The following FBXW4 variants were observed in gnomAD, a reference collection of about 807,000 sequenced individuals.
FBXW4 encodes the protein F-box and WD repeat domain containing 4.
A neutral mutation model predicts 61.8 loss-of-function variants in FBXW4; 40 were observed. That is an observed-to-expected ratio of 0.65 (90% CI 0.50 to 0.84). FBXW4 has a LOEUF of 0.84. Ranked by LOEUF, FBXW4 falls within the 40% of genes least tolerant of loss-of-function variation. FBXW4 has a pLI of 0.00. For missense variants in FBXW4, 672 were observed against 753.8 expected (o/e 0.89, Z 1.27); for synonymous variants, 311 against 313.8 (o/e 0.99, Z 0.10).
At chr10:101,659,483 CCTAGAGA>C in intron 5 of FBXW4, 1 of 968,460 alleles carries the variant, frequency 1.0e-6, no homozygotes, top group Non-Finnish European at 1.2e-6. Flanking sequence ...AAGAAAGCTA[CCTAGAGA>C]CCAGCAGTGG....
At chr10:101,658,163 T>C (rs1349030488) in intron 5 of FBXW4, among the ~76,000 whole-genome samples, 1 of 152,116 alleles carries the variant, frequency 6.6e-6, no homozygotes, top group African/African-American at 2.4e-5. Context: ...AGAAGAAATA[T>C]AGCTGGCACC....
At chr10:101,667,419 C>A (rs547686280) in intron 5 of FBXW4, among the ~76,000 whole-genome samples, 31 of 152,142 alleles carry the variant, frequency 2.0e-4, no homozygotes, top group Non-Finnish European at 3.7e-4. Context: ...TGGATCTGGG[C>A]CCCAAGCCTC....
intron 5 of FBXW4, chr10:101,626,094 G>A (rs966341834): frequency 1.3e-5 from 2 of 152,244 alleles, no homozygotes; most frequent in Non-Finnish European, 2.9e-5. Flanking sequence ...TCAGCCCTAG[G>A]CTGATAAAAA....
chr10:101,678,917 CTTAT>C (rs1196563246), intron 1 of FBXW4, among the ~76,000 whole-genome samples: 1 of 151,710 alleles, frequency 6.6e-6, no homozygotes, highest in Non-Finnish European at 1.5e-5. Context: ...TGTTATTTCA[CTTAT>C]TTATTCATAT....
intron 1 of FBXW4, among the ~76,000 whole-genome samples, chr10:101,692,024 G>T (rs1210750682): frequency 6.6e-6 from 1 of 151,888 alleles, no homozygotes; most frequent in Non-Finnish European, 1.5e-5. Flanking sequence ...AGGAGTAAGT[G>T]CAACAACAGA....
chr10:101,669,605 GCTTGGCC>G (rs2064338841), intron 4 of FBXW4, among the ~76,000 whole-genome samples: 1 of 152,192 alleles, frequency 6.6e-6, no homozygotes, highest in Non-Finnish European at 1.5e-5. Context: ...GGCCCTCCTG[GCTTGGCC>G]CAGCAGCACA....
At chr10:101,684,676 T>C (rs1048156892) in intron 1 of FBXW4, among the ~76,000 whole-genome samples, 4 of 152,242 alleles carry the variant, frequency 2.6e-5, no homozygotes, top group African/African-American at 7.2e-5. Flanking sequence ...GCTAAGAACT[T>C]GGCTTTAGTG....
intron 5 of FBXW4, among the ~76,000 whole-genome samples, chr10:101,652,398 C>T (rs1389941699): frequency 6.6e-6 from 1 of 152,042 alleles, no homozygotes; most frequent in East Asian, 1.9e-4. Flanking sequence ...CATGGAGGAA[C>T]AACTGGGATC....
At chr10:101,625,247 C>A (rs1439493308) in intron 5 of FBXW4, 1 of 203,494 alleles carries the variant, frequency 4.9e-6, no homozygotes, top group Non-Finnish European at 1.0e-5. Context: ...GAAGTAGGAG[C>A]AGCTGAGGGG....
At chr10:101,661,193 G>A (rs2064240245) in intron 5 of FBXW4, among the ~76,000 whole-genome samples, 1 of 152,158 alleles carries the variant, frequency 6.6e-6, no homozygotes, top group Non-Finnish European at 1.5e-5. Context: ...ATGTAAGTCG[G>A]CTCTTGACAA....
intron 6 of FBXW4, among the ~76,000 whole-genome samples, chr10:101,622,486 G>C (rs1029207885): frequency 6.6e-6 from 1 of 152,216 alleles, no homozygotes; most frequent in Non-Finnish European, 1.5e-5. Flanking sequence ...CCAGCACTTT[G>C]GGAGGCCGAG....
intron 5 of FBXW4, among the ~76,000 whole-genome samples, chr10:101,662,614 C>T (rs1175450199): frequency 6.6e-6 from 1 of 152,154 alleles, no homozygotes; most frequent in Non-Finnish European, 1.5e-5. Context: ...CCTTCCTGAC[C>T]ACACTCTCTC....
chr10:101,652,312 T>A (rs2064151865), intron 5 of FBXW4, among the ~76,000 whole-genome samples: 1 of 152,160 alleles, frequency 6.6e-6, no homozygotes, highest in Non-Finnish European at 1.5e-5. Context: ...CCACTCCAAA[T>A]GGCAACATCC....
At chr10:101,653,195 C>G (rs536357550) in intron 5 of FBXW4, among the ~76,000 whole-genome samples, 1 of 152,156 alleles carries the variant, frequency 6.6e-6, no homozygotes, top group Admixed American at 6.5e-5. Flanking sequence ...CATAGTTTTC[C>G]TGAATGAAAG....
chr10:101,679,001 T>C (rs1299029283), intron 1 of FBXW4, among the ~76,000 whole-genome samples: 2 of 152,216 alleles, frequency 1.3e-5, no homozygotes, highest in Non-Finnish European at 2.9e-5. Context: ...ACAGATAGTA[T>C]GAAAGGTTAA....
In FBXW4 at chr10:101,612,493, C is replaced by A; in HGVS notation, c.1302-16G>T. The A allele has an allele frequency of 6.5e-7, 1 of 1,546,000 alleles. No individual in the cohort carries two copies. The highest frequency in any genetic ancestry group is 8.8e-7 in the Non-Finnish European group (1 of 1,142,574). ...CAGCTGCCCACTGGGAAGGGAAGGA[C>A]GGAGTGAGAGGCTGCTCCACGTGGG... On this transcript the variant is annotated splice_polypyrimidine_tract_variant and intron_variant, in intron 6 of 8. Transcript: ENST00000331272.
Position 101,673,607 on chromosome 10 carries a change from G to A in FBXW4, c.888C>T (p.Ala296=). The A allele has an allele frequency of 6.2e-7, 1 of 1,614,062 alleles. No individual in the cohort carries two copies. Among genetic ancestry groups the A allele is most frequent in the African/African-American group, 1.3e-5 (1 of 75,054 alleles). ...TGGCACCATCTGGACGGAACTGGTA[G>A]GCCAGGATGAAATTAGCCTGGGATA... ...LYISQANFIL[A]YQFRPDGASL... Residue 296 remains alanine, a synonymous_variant, in exon 3 of 9, where the codon GCC becomes GCT. Coordinates refer to ENST00000331272, the MANE Select transcript of FBXW4 (RefSeq NM_022039.4).
chr10:101,679,888 C>A (rs536091264), intron 1 of FBXW4, among the ~76,000 whole-genome samples: 1 of 152,074 alleles, frequency 6.6e-6, no homozygotes, highest in African/African-American at 2.4e-5. Flanking sequence ...CTTACCCCCC[C>A]ACCTTCCTCC....
At chr10:101,690,103 T>C (rs933037001) in intron 1 of FBXW4, among the ~76,000 whole-genome samples, 2 of 152,250 alleles carry the variant, frequency 1.3e-5, no homozygotes, top group African/African-American at 4.8e-5. Context: ...CAATAGAATC[T>C]TTTAAAAATA....
Sources: gnomAD v4.1 joint callset for allele counts (sites outside exome capture counted in the v4.1 genomes callset) on GRCh38, gnomAD v4.1.1 for gene constraint, MANE v1.5 for transcripts, NCBI Gene and HGNC (gene_info 2026-07-23, HGNC 2026-07-21) for gene names.